AGMO: variants seen among roughly 807,000 people sequenced by gnomAD.
AGMO encodes the protein glyceryl-ether monooxygenase.
AGMO carries 75 observed loss-of-function variants against 60.2 expected under a neutral mutation model. The ratio of observed to expected loss-of-function variants is 1.25; its 90% confidence interval spans 1.03 to 1.51. AGMO has a LOEUF of 1.51. Ranked by LOEUF, AGMO falls within the 40% of genes most tolerant of loss-of-function variation. AGMO has a pLI of 0.00. For missense variants in AGMO, 763 were observed against 525.5 expected (o/e 1.45, Z -4.42); for synonymous variants, 261 against 177.1 (o/e 1.47, Z -3.76).
chr7:15,255,865 G>A (rs1405906169), intron 12 of AGMO, among the ~76,000 whole-genome samples: 2 of 152,146 alleles, frequency 1.3e-5, no homozygotes, highest in African/African-American at 2.4e-5. Context: ...GTTTTGTAAA[G>A]CACCATGATG....
intron 12 of AGMO, among the ~76,000 whole-genome samples, chr7:15,343,525 T>C (rs1230482424): frequency 1.3e-5 from 2 of 152,186 alleles, no homozygotes; most frequent in African/African-American, 4.8e-5. Flanking sequence ...GCATCTATAA[T>C]ATCTTAGTCT....
chr7:15,263,480 A>G (rs1783339868), intron 12 of AGMO, among the ~76,000 whole-genome samples: 3 of 152,120 alleles, frequency 2.0e-5, no homozygotes, highest in Admixed American at 2.0e-4. Context: ...GGGAATGTAA[A>G]ATAGTAAAAC....
the AGMO span, among the ~76,000 whole-genome samples, chr7:15,118,215 TACAA>T: frequency 1.5e-5 from 2 of 137,526 alleles, no homozygotes; most frequent in African/African-American, 5.7e-5. Flanking sequence ...CACACATATA[TACAA>T]ACAGATAAAT....
intron 3 of AGMO, among the ~76,000 whole-genome samples, chr7:15,538,597 T>C (rs1044726714): frequency 1.3e-5 from 2 of 152,124 alleles, no homozygotes; most frequent in African/African-American, 4.8e-5. Context: ...GTTACAAAAA[T>C]CTTAGGTATA....
intron 12 of AGMO, among the ~76,000 whole-genome samples, chr7:15,309,473 A>T (rs768209187): frequency 6.6e-6 from 1 of 152,180 alleles, no homozygotes; most frequent in Non-Finnish European, 1.5e-5. Context: ...CCAGTGCCCT[A>T]TTGAAATGTA....
chr7:15,218,619 T>C (rs1487690801), intron 12 of AGMO, among the ~76,000 whole-genome samples: 1 of 152,164 alleles, frequency 6.6e-6, no homozygotes, highest in Non-Finnish European at 1.5e-5. Context: ...TTTTATTTTT[T>C]CTGTATTTTT....
chr7:15,136,558 G>A, the AGMO span, among the ~76,000 whole-genome samples: 1 of 151,768 alleles, frequency 6.6e-6, no homozygotes, highest in African/African-American at 2.4e-5. Flanking sequence ...ATAGTGTGTT[G>A]GTATTATGCT....
intron 3 of AGMO, among the ~76,000 whole-genome samples, chr7:15,490,265 T>G (rs1783036444): frequency 6.6e-6 from 1 of 152,248 alleles, no homozygotes; most frequent in African/African-American, 2.4e-5. Context: ...ATAATTTGTT[T>G]AAATCATTCA....
intron 12 of AGMO, among the ~76,000 whole-genome samples, chr7:15,322,738 A>G (rs1383572971): frequency 7.7e-6 from 1 of 130,276 alleles, no homozygotes; most frequent in East Asian, 2.1e-4. Context: ...ATATATAAAT[A>G]TATAAATATA....
the AGMO span, among the ~76,000 whole-genome samples, chr7:15,178,212 T>C: frequency 6.6e-6 from 1 of 152,166 alleles, no homozygotes; most frequent in Non-Finnish European, 1.5e-5. Context: ...CAAATAACTC[T>C]CTAAGAAGGG....
the AGMO span, among the ~76,000 whole-genome samples, chr7:15,182,705 C>A: frequency 6.6e-6 from 1 of 152,336 alleles, no homozygotes; most frequent in East Asian, 1.9e-4. Context: ...GAATGAGCCA[C>A]TGTGCCTAGC....
intron 3 of AGMO, among the ~76,000 whole-genome samples, chr7:15,496,804 G>A (rs544985216): frequency 3.3e-5 from 5 of 151,994 alleles, no homozygotes; most frequent in African/African-American, 9.7e-5. Context: ...TTAGCAAAGC[G>A]CACTTGCATT....
At chr7:15,149,626 T>C in the AGMO span, among the ~76,000 whole-genome samples, 2 of 152,162 alleles carry the variant, frequency 1.3e-5, no homozygotes, top group Non-Finnish European at 2.9e-5. Flanking sequence ...TAGTTGTAAA[T>C]GTGTGGCTTT....
chr7:15,545,019 T>C (rs1373450522), intron 2 of AGMO, 96 bp from the exon 3 acceptor site: 3 of 889,592 alleles, frequency 3.4e-6, no homozygotes, highest in African/African-American at 3.5e-5. Context: ...AATATCTTCA[T>C]ATAAAAAAAT....
the AGMO span, among the ~76,000 whole-genome samples, chr7:15,159,140 C>T: frequency 3.3e-5 from 5 of 151,820 alleles, no homozygotes; most frequent in African/African-American, 1.2e-4. Flanking sequence ...CATGTGTTAC[C>T]ACAAAAGTAC....
chr7:15,285,366 T>C (rs1223635318), intron 12 of AGMO, among the ~76,000 whole-genome samples: 1 of 152,054 alleles, frequency 6.6e-6, no homozygotes, highest in Non-Finnish European at 1.5e-5. Flanking sequence ...ATTTGATAAA[T>C]TCAGTAAACT....
chr7:15,203,508 T>G (rs75098993), intron 12 of AGMO, among the ~76,000 whole-genome samples: 19,687 of 150,218 alleles, frequency 0.13, 1,564 homozygotes, highest in East Asian at 0.35. Context: ...TTTTTTTTTG[T>G]TTTTTTTTTT....
intron 12 of AGMO, among the ~76,000 whole-genome samples, chr7:15,281,281 T>C (rs1430107676): frequency 6.6e-6 from 1 of 152,104 alleles, no homozygotes; most frequent in Non-Finnish European, 1.5e-5. Flanking sequence ...AGGAGACTTC[T>C]TTCTCCCCTT....
At chr7:15,230,017 TAC>T (rs1445283693) in intron 12 of AGMO, among the ~76,000 whole-genome samples, 1 of 151,772 alleles carries the variant, frequency 6.6e-6, no homozygotes, top group Non-Finnish European at 1.5e-5. Context: ...TTATAATTTA[TAC>T]AATTTACATT....
Sources: allele counts gnomAD v4.1 joint callset (sites outside exome capture counted in the v4.1 genomes callset), GRCh38; gene constraint gnomAD v4.1.1; transcripts MANE v1.5; gene names NCBI Gene and HGNC (gene_info 2026-07-23, HGNC 2026-07-21).